The following GPR158 variants were observed in gnomAD, a reference collection of about 807,000 sequenced individuals.
GPR158 encodes metabotropic glycine receptor.
A neutral mutation model predicts 78.2 loss-of-function variants in GPR158; 30 were observed. The observed-to-expected ratio is 0.38, with a 90% CI of 0.29 to 0.52. The LOEUF (loss-of-function observed/expected upper bound fraction) is 0.52, where lower values mean the gene tolerates loss of function less well. GPR158 is among the 20% of genes least tolerant of loss of function. GPR158 has a pLI of 0.83. For synonymous variants in GPR158, 581 were observed against 591.1 expected (o/e 0.98, Z 0.25); for missense variants, 1,463 against 1,523.5 (o/e 0.96, Z 0.66).
At chr10:25,308,178 G>A (rs1044688538) in intron 2 of GPR158, among the ~76,000 whole-genome samples, 1 of 151,974 alleles carries the variant, frequency 6.6e-6, no homozygotes, top group African/African-American at 2.4e-5. Flanking sequence ...TAAGTTCTGG[G>A]GTACATGTGT....
chr10:25,519,717 C>G (rs1353044082), intron 5 of GPR158, among the ~76,000 whole-genome samples: 1 of 127,102 alleles, frequency 7.9e-6, no homozygotes, highest in Non-Finnish European at 1.6e-5. Context: ...TCTCTTCTGG[C>G]TTGTAGGGTT....
chr10:25,489,994 T>C (rs1212226097), intron 5 of GPR158, among the ~76,000 whole-genome samples: 1 of 152,166 alleles, frequency 6.6e-6, no homozygotes, highest in Non-Finnish European at 1.5e-5. Flanking sequence ...ATTTTCAACA[T>C]TCAAAACTTT....
intron 2 of GPR158, among the ~76,000 whole-genome samples, chr10:25,326,841 T>C (rs1855041057): frequency 6.6e-6 from 1 of 152,220 alleles, no homozygotes; most frequent in Non-Finnish European, 1.5e-5. Flanking sequence ...AACATCACAT[T>C]GTGCACTGTA....
chr10:25,464,352 C>A (rs1028561513), intron 4 of GPR158, among the ~76,000 whole-genome samples: 3 of 152,152 alleles, frequency 2.0e-5, no homozygotes, highest in African/African-American at 7.2e-5. Flanking sequence ...GAAGGTCCCC[C>A]ACTCGAGGCA....
At chr10:25,243,930 G>A (rs1853657475) in intron 2 of GPR158, 2 of 152,024 alleles carry the variant, frequency 1.3e-5, no homozygotes, top group South Asian at 4.1e-4. Flanking sequence ...TGTATTTCCT[G>A]TTTCTAAGAG....
At chr10:25,379,770 G>C (rs1773624) in intron 2 of GPR158, among the ~76,000 whole-genome samples, 123,073 of 151,034 alleles carry the variant, frequency 0.81, 51,123 homozygotes, top group Non-Finnish European at 0.87. Context: ...CAAAACTTAG[G>C]TGGCATCTCT....
At chr10:25,550,923 G>T (rs1224669087) in intron 5 of GPR158, 53 bp from the exon 6 acceptor site, 1 of 880,938 alleles carries the variant, frequency 1.1e-6, no homozygotes, top group Non-Finnish European at 2.0e-6. Flanking sequence ...ATTGACTTGG[G>T]TCTGTGGGTC....
At chr10:25,591,297 C>T (rs1316407827) in intron 8 of GPR158, among the ~76,000 whole-genome samples, 2 of 152,098 alleles carry the variant, frequency 1.3e-5, no homozygotes, top group Non-Finnish European at 2.9e-5. Context: ...GGAATCCCCC[C>T]AAACCTCACT....
At chr10:25,282,298 G>A (rs956659170) in intron 2 of GPR158, among the ~76,000 whole-genome samples, 2 of 152,132 alleles carry the variant, frequency 1.3e-5, no homozygotes, top group Non-Finnish European at 2.9e-5. Flanking sequence ...ATTGTTGTAT[G>A]TGTTAATAGT....
At position 25,572,623 on chromosome 10, in the gene GPR158, T is replaced by C. The variant is rs369411252; in HGVS notation, c.1515-26T>C. On this transcript the variant is annotated intron_variant, in intron 6 of 10. Coordinates refer to ENST00000376351, the MANE Select transcript of GPR158 (RefSeq NM_020752.3). Reference sequence around the variant, plus strand: ...TACTTTCTGAATGTTAGGTTTGCTTTCACATTTGAACTTTTGCTTTTCTAG... The same window carrying C: ...TACTTTCTGAATGTTAGGTTTGCTTCCACATTTGAACTTTTGCTTTTCTAG... The C allele has an allele frequency of 9.8e-5, 139 of 1,413,390 alleles. No homozygotes were observed. The African/African-American group carries it at 1.8e-3, about 18-fold the overall frequency. The allele number at this position is 1,413,390 out of a possible 1,614,324, so 87.6% of individuals were successfully genotyped here.
chr10:25,262,840 AG>A (rs1324614955), intron 2 of GPR158, among the ~76,000 whole-genome samples: 1 of 152,204 alleles, frequency 6.6e-6, no homozygotes, highest in Non-Finnish European at 1.5e-5. Flanking sequence ...CATACAGAAA[AG>A]TTTCAATGTC....
At chr10:25,232,134 GA>G (rs112822044) in intron 2 of GPR158, among the ~76,000 whole-genome samples, 20,926 of 152,042 alleles carry the variant, frequency 0.14, 1,872 homozygotes, top group East Asian at 0.29. Flanking sequence ...CAATCAGGGG[GA>G]AAAAACCTAC....
At chr10:25,391,453 T>C (rs900081355) in intron 2 of GPR158, among the ~76,000 whole-genome samples, 9 of 152,080 alleles carry the variant, frequency 5.9e-5, no homozygotes, top group African/African-American at 9.7e-5. Flanking sequence ...CCTTCTTGCA[T>C]CAGCATGACC....
intron 2 of GPR158, among the ~76,000 whole-genome samples, chr10:25,266,679 C>T (rs1854048971): frequency 6.6e-6 from 1 of 151,920 alleles, no homozygotes. Context: ...AGTGCATAGC[C>T]AGGCAAATAA....
intron 5 of GPR158, among the ~76,000 whole-genome samples, chr10:25,502,303 G>A (rs577739718): frequency 3.3e-5 from 5 of 152,230 alleles, no homozygotes; most frequent in South Asian, 4.1e-4. Flanking sequence ...CCTAGGACCC[G>A]TGACAGGGGA....
At chr10:25,254,414 T>G (rs1588760947) in intron 2 of GPR158, among the ~76,000 whole-genome samples, 1 of 152,180 alleles carries the variant, frequency 6.6e-6, no homozygotes, top group African/African-American at 2.4e-5. Context: ...AAAACATAAC[T>G]GCTTTAGTTT....
intron 7 of GPR158, among the ~76,000 whole-genome samples, chr10:25,582,205 A>C (rs1185208645): frequency 6.6e-6 from 1 of 152,172 alleles, no homozygotes; most frequent in Admixed American, 6.5e-5. Context: ...TATCAGACAG[A>C]GAGACGAAAT....
At chr10:25,544,292 T>C (rs1246336996) in intron 5 of GPR158, among the ~76,000 whole-genome samples, 2 of 151,546 alleles carry the variant, frequency 1.3e-5, no homozygotes, top group Admixed American at 1.3e-4. Context: ...AGTGTTTTAT[T>C]TTTTTTTTGT....
At chr10:25,586,390 AATTTTTTTTT>A (rs1476276384) in intron 7 of GPR158, among the ~76,000 whole-genome samples, 8 of 130,942 alleles carry the variant, frequency 6.1e-5, no homozygotes, top group East Asian at 2.3e-4. Context: ...GGTATGTGTG[AATTTTTTTTT>A]TTTTTTTTTT....
Sources: gnomAD v4.1 joint callset for allele counts (sites outside exome capture counted in the v4.1 genomes callset) on GRCh38, gnomAD v4.1.1 for gene constraint, MANE v1.5 for transcripts, NCBI Gene and HGNC (gene_info 2026-07-23, HGNC 2026-07-21) for gene names.